SOD2: variants seen among roughly 807,000 people sequenced by gnomAD.
SOD2 encodes the protein superoxide dismutase [Mn], mitochondrial.
Under a neutral mutation model 27.0 loss-of-function variants are expected in SOD2, and 11 were observed. The observed-to-expected ratio is 0.41, with a 90% CI of 0.26 to 0.67. The LOEUF is 0.67. Ranked by LOEUF, SOD2 falls within the 30% of genes least tolerant of loss-of-function variation. The pLI, the probability that SOD2 is intolerant of heterozygous loss-of-function variation, is 0.34. For missense variants in SOD2, 250 were observed against 274.5 expected, an observed-to-expected ratio of 0.91 and a Z score of 0.63; for synonymous variants, 105 against 103.0, an observed-to-expected ratio of 1.02 and a Z score of -0.12.
At chr6:159,725,530 T>A (rs1348841266) in intron 1 of SOD2, 2 of 151,520 alleles carry the variant, frequency 1.3e-5, no homozygotes, top group Non-Finnish European at 1.5e-5. Context: ...TGTATCTTAG[T>A]TATATTAGTT....
rs146778772 is a variant in SOD2, at chr6:159,753,688, T to C, written c.-335-5012A>G. On this transcript the variant is annotated intron_variant, in intron 1 of 7. Transcript: ENST00000546087. ...TTTTTAAAACTGCCAGTCATGAATA[T>C]TATAGGTTAGATTCTGTACATTGTT... 4.2e-4 allele frequency: 636 copies of C among 1,508,944 alleles called. 1 individual carries two copies. Among genetic ancestry groups the C allele is most frequent in the Non-Finnish European group, 4.1e-4 (457 of 1,120,100 alleles). 93.5% of individuals were successfully genotyped at this position (1,508,944 alleles called of 1,614,324 possible).
chr6:159,742,013 G>A (rs1583087241), intron 1 of SOD2: 2 of 1,098,322 alleles, frequency 1.8e-6, no homozygotes, highest in Admixed American at 2.3e-5. Flanking sequence ...AAATCTGTGA[G>A]TTTATAGATA....
chr6:159,749,062 T>C, upstream of SOD2: 1 of 990,002 alleles, frequency 1.0e-6, no homozygotes, highest in Non-Finnish European at 1.2e-6. Flanking sequence ...TCTATATTAC[T>C]TGCTTGAGCC....
rs1779801467 is a variant in SOD2, at chr6:159,677,351, T to C, written c.*5142A>G. ...AAGCATCTTGACAACAGAAGCACTC[T>C]CATTACTGTAAAGCCCACAATGAAT... On this transcript the variant is annotated 3_prime_UTR_variant, in exon 5 of 5. Transcript: ENST00000538183. 1 of 152,162 alleles carries C rather than the reference T, an allele frequency of 6.6e-6. No homozygotes were observed. 9.4% of individuals were successfully genotyped at this position (152,162 alleles called of 1,614,324 possible).
In SOD2 at chr6:159,672,567, T is replaced by G. The variant is rs1357580414; in HGVS notation, c.*9926A>C. 6 of 152,316 alleles carry G rather than the reference T, an allele frequency of 3.9e-5. No homozygotes were observed. In the East Asian group the frequency reaches 9.6e-4, roughly 24 times the overall value. The allele number at this position is 152,316 out of a possible 1,614,324, so 9.4% of individuals were successfully genotyped here. A position where few individuals can be genotyped will look rare whatever the true frequency, so the allele number is the denominator to read the frequency against. Reference sequence around the variant, plus strand: ...TGAGAGATTTTGTCACCACCAGGCCTGCCTTACAAGAGCTCCTGAAGGAAG... The same window carrying G: ...TGAGAGATTTTGTCACCACCAGGCCGGCCTTACAAGAGCTCCTGAAGGAAG... On this transcript the variant is annotated 3_prime_UTR_variant, in exon 5 of 5. Transcript: ENST00000538183.
In SOD2 at chr6:159,707,161, A is replaced by C. The variant is rs1175506924; in HGVS notation, c.-115-14298T>G. 2.0e-5 allele frequency among the ~76,000 whole-genome samples: 3 copies of C among 152,220 alleles called. No homozygotes were observed. The East Asian group carries it at 5.8e-4, about 29-fold the overall frequency. ...TATAGCACTAAATGCCCACAAGAGA[A>C]AGCAGGAAAGATCTAAAATTGATAC... On this transcript the variant is annotated intron_variant, in intron 1 of 2. Transcript: ENST00000401980.
chr6:159,755,723 G>GT (rs202118718), intron 1 of SOD2: 13,088 of 823,304 alleles, frequency 0.016, 93 homozygotes, highest in African/African-American at 0.093. Context: ...GTACGTTTTG[G>GT]TTTTTTTTTG....
intron 1 of SOD2, among the ~76,000 whole-genome samples, chr6:159,744,125 C>T (rs1015883063): frequency 2.6e-5 from 4 of 152,178 alleles, no homozygotes; most frequent in Admixed American, 6.5e-5. Context: ...TTTACTTTCA[C>T]TGATTAGGAA....
chr6:159,727,859 CG>C (rs749055773), upstream of SOD2, among the ~76,000 whole-genome samples: 98 of 152,228 alleles, frequency 6.4e-4, no homozygotes, highest in Non-Finnish European at 1.2e-3. Context: ...TCTACCTTCC[CG>C]CCTGCGGGGA....
chr6:159,720,676 T>C (rs1433079893), intron 1 of SOD2: 1 of 151,526 alleles, frequency 6.6e-6, no homozygotes, highest in African/African-American at 2.4e-5. Context: ...TCTTACGACT[T>C]TTTTTTTAGA....
chr6:159,725,842 TTAC>T (rs1224428670), intron 1 of SOD2: 9 of 152,172 alleles, frequency 5.9e-5, no homozygotes, highest in African/African-American at 2.2e-4. Context: ...CAGTGAATAC[TTAC>T]TACACTTAAA....
chr6:159,728,507 TTTATC>T (rs1242512610), upstream of SOD2, among the ~76,000 whole-genome samples: 6 of 152,252 alleles, frequency 3.9e-5, no homozygotes, highest in Admixed American at 3.3e-4. Context: ...TTGTGCCTAT[TTTATC>T]TAGTTTTAGT....
chr6:159,676,042 A>G lies in SOD2; in HGVS notation c.*6451T>C, dbSNP rs769552702. 81 of 152,204 alleles carry G rather than the reference A, an allele frequency of 5.3e-4. No individual in the cohort carries two copies. Among genetic ancestry groups the G allele is most frequent in the Non-Finnish European group, 1.0e-3 (71 of 68,030 alleles). The allele number at this position is 152,204 out of a possible 1,614,324, so 9.4% of individuals were successfully genotyped here. A position where few individuals can be genotyped will look rare whatever the true frequency, so the allele number is the denominator to read the frequency against. Reference sequence around the variant, plus strand: ...CAGAGAAATGCAAATCAAAACCACAATGAGATACCATCTCACACCAGTTAG... The same window carrying G: ...CAGAGAAATGCAAATCAAAACCACAGTGAGATACCATCTCACACCAGTTAG... On this transcript the variant is annotated 3_prime_UTR_variant, in exon 5 of 5. Coordinates refer to ENST00000538183, the MANE Select transcript of SOD2 (RefSeq NM_000636.4).
upstream of SOD2, among the ~76,000 whole-genome samples, chr6:159,694,014 G>C (rs1158843187): frequency 6.6e-6 from 1 of 152,166 alleles, no homozygotes; most frequent in African/African-American, 2.4e-5. Flanking sequence ...ATTGATTCTA[G>C]TAATAGTGAA....
chr6:159,727,242 G>A (rs767930552), exon 1 of SOD2: 164 of 1,282,424 alleles, frequency 1.3e-4, no homozygotes, highest in Middle Eastern at 2.1e-4. Flanking sequence ...GATCGGGCTA[G>A]GCCGACGGCC....
At position 159,752,481 on chromosome 6, in the gene SOD2, G is replaced by A. The variant is rs569691132; in HGVS notation, c.-335-3805C>T. 3.3e-5 allele frequency among the ~76,000 whole-genome samples: 5 copies of A among 152,062 alleles called. No homozygotes were observed. The East Asian group carries it at 5.8e-4, about 18-fold the overall frequency. ...AGCTTTTCATTACATATTTGCAATT[G>A]CTATGTATGTGCACATAGGTTCAGT... On this transcript the variant is annotated intron_variant, in intron 1 of 7. Coordinates refer to the SOD2 transcript ENST00000546087.
At chr6:159,757,561 C>T (rs539720402) in intron 1 of SOD2, among the ~76,000 whole-genome samples, 4 of 151,844 alleles carry the variant, frequency 2.6e-5, no homozygotes, top group African/African-American at 4.8e-5. Context: ...TACAGGCGTG[C>T]GCCACCATGC....
At chr6:159,700,124 A>G (rs1777498194) in intron 1 of SOD2, among the ~76,000 whole-genome samples, 1 of 152,236 alleles carries the variant, frequency 6.6e-6, no homozygotes, top group Admixed American at 6.5e-5. Flanking sequence ...ATGTTGGTAC[A>G]CTAGAGGTGA....
intron 1 of SOD2, among the ~76,000 whole-genome samples, chr6:159,735,798 G>A (rs752102655): frequency 2.0e-5 from 3 of 152,036 alleles, no homozygotes; most frequent in Non-Finnish European, 2.9e-5. Flanking sequence ...CTATTGGGCA[G>A]TAGTAAATTA....
Sources: allele counts gnomAD v4.1 joint callset (sites outside exome capture counted in the v4.1 genomes callset), GRCh38; gene constraint gnomAD v4.1.1; transcripts MANE v1.5; gene names NCBI Gene and HGNC (gene_info 2026-07-23, HGNC 2026-07-21).